Variants in LMBRD2 observed in about 807,000 individuals in gnomAD.
LMBRD2 encodes LMBR1 domain containing 2.
A neutral mutation model predicts 94.4 loss-of-function variants in LMBRD2; 55 were observed. The observed-to-expected ratio is 0.58, with a 90% CI of 0.47 to 0.73. The LOEUF (loss-of-function observed/expected upper bound fraction) is 0.73. Ranked by LOEUF, LMBRD2 falls within the 30% of genes least tolerant of loss-of-function variation. The pLI is 0.00. For missense variants in LMBRD2, 640 were observed against 831.9 expected, an observed-to-expected ratio of 0.77 and a Z score of 2.84; for synonymous variants, 246 against 272.4, an observed-to-expected ratio of 0.90 and a Z score of 0.95.
intron 1 of LMBRD2, among the ~76,000 whole-genome samples, chr5:36,150,832 G>T (rs1177718034): frequency 6.6e-6 from 1 of 152,152 alleles, no homozygotes; most frequent in African/African-American, 2.4e-5. Context: ...GACCAAGCTT[G>T]AAACAAGCAT....
chr5:36,149,887 A>G (rs1215912047), intron 1 of LMBRD2, among the ~76,000 whole-genome samples: 2 of 152,198 alleles, frequency 1.3e-5, no homozygotes, highest in African/African-American at 4.8e-5. Context: ...AGCCTGGGCA[A>G]TAAGAGTGAA....
intron 10 of LMBRD2, among the ~76,000 whole-genome samples, chr5:36,117,513 C>T (rs1743786290): frequency 6.6e-6 from 1 of 151,938 alleles, no homozygotes; most frequent in Non-Finnish European, 1.5e-5. Context: ...AAAAAAATCT[C>T]AGATTTCTGC....
Position 36,139,675 on chromosome 5 carries a change from C to T in LMBRD2, c.368+1432G>A, listed in dbSNP as rs186624845. On this transcript the variant is annotated intron_variant, in intron 4 of 17. Transcript: ENST00000296603. ...CCTGACTACAGATAGGAGCTATCTA[C>T]TTCAGGTCTCCTCTCTACTGGGGGC... 5.3e-5 allele frequency among the ~76,000 whole-genome samples: 8 copies of T among 152,330 alleles called. No individual in the cohort carries two copies. The East Asian group carries it at 1.5e-3, about 29-fold the overall frequency.
chr5:36,142,473 TTATA>T, intron 3 of LMBRD2, 25 bp downstream of exon 3: 1 of 1,286,482 alleles, frequency 7.8e-7, no homozygotes, highest in Non-Finnish European at 1.1e-6. Context: ...CCTACAATGT[TTATA>T]TATTTTTTTT....
intron 14 of LMBRD2, 53 bp downstream of exon 14, chr5:36,111,102 G>T (rs894869012): frequency 1.0e-6 from 1 of 997,878 alleles, no homozygotes; most frequent in Non-Finnish European, 1.5e-6. Flanking sequence ...TTTGTATTTT[G>T]AGTCTTAGCA....
At position 36,151,885 on chromosome 5, in the gene LMBRD2, G is replaced by A. The variant is rs1744726642; in HGVS notation, c.-387C>T. 6.7e-6 allele frequency: 2 copies of A among 298,124 alleles called. No individual in the cohort carries two copies. Among genetic ancestry groups the A allele is most frequent in the South Asian group, 4.4e-5 (1 of 22,742 alleles). The allele number at this position is 298,124 out of a possible 1,614,324, so 18.5% of individuals were successfully genotyped here. A position where few individuals can be genotyped will look rare whatever the true frequency, so the allele number is the denominator to read the frequency against. ...ACAGTCCAGCGGCTGACATTTCCCA[G>A]TCAGCCGTAGCGCCGCCCGCTTCCG... is the stretch of plus-strand genomic sequence containing the variant. On this transcript the variant is annotated 5_prime_UTR_variant, in exon 1 of 18. Transcript: ENST00000296603. This position sits in a 1 kb window ranked among gnomAD's most constrained non-coding sequence, Gnocchi z 4.7.
At chr5:36,113,375 G>A (rs555075249) in intron 13 of LMBRD2, among the ~76,000 whole-genome samples, 166 of 152,152 alleles carry the variant, frequency 1.1e-3, no homozygotes, top group African/African-American at 3.8e-3. Context: ...TTGCTCACTC[G>A]GGGATCTCGG....
chr5:36,120,072 T>G (rs1743852423), intron 9 of LMBRD2, among the ~76,000 whole-genome samples: 1 of 152,010 alleles, frequency 6.6e-6, no homozygotes, highest in African/African-American at 2.4e-5. Context: ...TATTTCTTTT[T>G]TTTTTTTGAC....
intron 9 of LMBRD2, among the ~76,000 whole-genome samples, chr5:36,118,840 C>G (rs1477429010): frequency 6.6e-6 from 1 of 151,646 alleles, no homozygotes; most frequent in Non-Finnish European, 1.5e-5. Context: ...TTATTAGACA[C>G]GTGCCACCAT....
At chr5:36,131,306 A>G (rs192887173) in intron 6 of LMBRD2, among the ~76,000 whole-genome samples, 104 of 152,224 alleles carry the variant, frequency 6.8e-4, no homozygotes, top group African/African-American at 2.3e-3. Flanking sequence ...AAAAACCCTA[A>G]AAAACCCTGA....
chr5:36,112,255 C>T (rs1291475445), intron 13 of LMBRD2, among the ~76,000 whole-genome samples: 1 of 152,096 alleles, frequency 6.6e-6, no homozygotes, highest in African/African-American at 2.4e-5. Context: ...AATTCTCTGA[C>T]TTCAAACATT....
rs1205832823 is a variant in LMBRD2 at position 36,103,538 on chromosome 5, CTTGTT to C, written c.*503_*507del. The C allele has an allele frequency of 6.6e-6, 1 of 152,230 alleles. No individual in the cohort carries two copies. Among genetic ancestry groups the C allele is most frequent in the Non-Finnish European group, 1.5e-5 (1 of 67,850 alleles). The allele number at this position is 152,230 out of a possible 1,614,324, so 9.4% of individuals were successfully genotyped here. ...ATTCAGTTATGTCTAGTAAGTAAGC[CTTGTT>C]TTAAGACACGAGTTTTATGAATACA... On this transcript the variant is annotated 3_prime_UTR_variant, in exon 18 of 18. Coordinates refer to ENST00000296603, the MANE Select transcript of LMBRD2 (RefSeq NM_001007527.2).
intron 9 of LMBRD2, among the ~76,000 whole-genome samples, chr5:36,118,984 C>G (rs1359897167): frequency 1.3e-5 from 2 of 152,048 alleles, no homozygotes; most frequent in Non-Finnish European, 2.9e-5. Flanking sequence ...TGAGGCACCA[C>G]TCCCAGCACT....
chr5:36,108,704 A>C, intron 15 of LMBRD2, 65 bp from the exon 16 acceptor site: 1 of 626,924 alleles, frequency 1.6e-6, no homozygotes, highest in Non-Finnish European at 2.6e-6. Flanking sequence ...TCAAGAGATT[A>C]CATATGCAAT....
At chr5:36,138,840 G>C (rs541757989) in intron 4 of LMBRD2, among the ~76,000 whole-genome samples, 7 of 152,350 alleles carry the variant, frequency 4.6e-5, no homozygotes, top group African/African-American at 1.7e-4. Flanking sequence ...ATGCTTCGTT[G>C]AAATTGAAAG....
At chr5:36,131,333 C>T (rs903251022) in intron 6 of LMBRD2, among the ~76,000 whole-genome samples, 1 of 151,990 alleles carries the variant, frequency 6.6e-6, no homozygotes, top group African/African-American at 2.4e-5. Flanking sequence ...AGGGAACATA[C>T]CTCAACACTA....
intron 5 of LMBRD2, among the ~76,000 whole-genome samples, chr5:36,136,846 C>T (rs1744282987): frequency 6.6e-6 from 1 of 152,098 alleles, no homozygotes; most frequent in Non-Finnish European, 1.5e-5. Context: ...ACATATATTA[C>T]AAATCATAAG....
rs1743410012 is a variant in LMBRD2 at position 36,104,109 on chromosome 5, A to G, written c.2028-3T>C. 1.2e-6 allele frequency: 2 copies of G among 1,604,600 alleles called. No individual in the cohort carries two copies. The highest frequency in any genetic ancestry group is 4.5e-5 in the East Asian group (2 of 44,640). ...GATATCGTCCACCAGGCTGATACCT[A>G]AAAAGGGAACATAAAGAAATGATCT... On this transcript the variant is annotated splice_region_variant and splice_polypyrimidine_tract_variant and intron_variant, in intron 17 of 17. Transcript: ENST00000296603.
At chr5:36,117,251 G>A (rs985794922) in intron 10 of LMBRD2, among the ~76,000 whole-genome samples, 4 of 152,102 alleles carry the variant, frequency 2.6e-5, no homozygotes, top group Admixed American at 1.3e-4. Flanking sequence ...CCTGAAGCAG[G>A]ACGATCACTT....
Sources: allele counts gnomAD v4.1 joint callset (sites outside exome capture counted in the v4.1 genomes callset), GRCh38; gene constraint gnomAD v4.1.1; non-coding constraint Gnocchi (gnomAD v3.1); transcripts MANE v1.5; gene names NCBI Gene and HGNC (gene_info 2026-07-23, HGNC 2026-07-21).